The following FBXL5 variants were observed in gnomAD, a reference collection of about 807,000 sequenced individuals.
FBXL5 encodes F-box and leucine rich repeat protein 5, also known as F-box/LRR-repeat protein 5.
A neutral mutation model predicts 78.3 loss-of-function variants in FBXL5; 26 were observed. That is an observed-to-expected ratio of 0.33 (90% CI 0.24 to 0.46). The LOEUF (loss-of-function observed/expected upper bound fraction) is 0.46. Among genes scored for constraint, FBXL5 ranks in the 20% least tolerant of loss-of-function variants. The pLI, the probability that FBXL5 is intolerant of heterozygous loss-of-function variation, is 1.00. For synonymous variants in FBXL5, 295 were observed against 282.5 expected (o/e 1.04, Z -0.45); for missense variants, 710 against 829.2 (o/e 0.86, Z 1.77).
intron 4 of FBXL5, 26 bp from the exon 5 acceptor site, chr4:15,636,702 C>T: frequency 6.6e-7 from 1 of 1,506,056 alleles, no homozygotes; most frequent in Non-Finnish European, 8.9e-7. Context: ...AAAACTTTAC[C>T]AGTAAAGGCT....
chr4:15,612,057 T>C (rs555598884), intron 10 of FBXL5: 1 of 420,414 alleles, frequency 2.4e-6, no homozygotes, highest in East Asian at 4.1e-5. Context: ...AATGGATATT[T>C]AGAATATACA....
upstream of FBXL5, chr4:15,656,424 TC>T (rs1390797630): frequency 2.6e-6 from 1 of 389,476 alleles, no homozygotes; most frequent in Non-Finnish European, 5.1e-6. Context: ...GGCCAGAACC[TC>T]CAGGAGGGCA....
intron 1 of FBXL5, among the ~76,000 whole-genome samples, chr4:15,650,707 G>A (rs1303829754): frequency 8.8e-6 from 1 of 113,100 alleles, no homozygotes; most frequent in African/African-American, 3.5e-5. Flanking sequence ...TCACTCTGTC[G>A]CCCAGGCTGG....
chr4:15,619,429 T>A (rs1447510262), intron 9 of FBXL5, among the ~76,000 whole-genome samples: 2 of 151,906 alleles, frequency 1.3e-5, no homozygotes, highest in South Asian at 2.1e-4. Context: ...AGGAAAAAAA[T>A]GATCATCTCA....
intron 1 of FBXL5, among the ~76,000 whole-genome samples, chr4:15,648,009 T>C (rs1348882222): frequency 6.6e-6 from 1 of 152,118 alleles, no homozygotes; most frequent in Non-Finnish European, 1.5e-5. Context: ...AGGTGTGGTG[T>C]GCACCACACC....
At chr4:15,627,847 T>G (rs765364328) in intron 7 of FBXL5, 38 bp downstream of exon 7, 1 of 1,582,496 alleles carries the variant, frequency 6.3e-7, no homozygotes. Context: ...ATCATGCTGT[T>G]TTTCTTAATA....
At chr4:15,654,600 G>T (rs1259107891) in intron 1 of FBXL5, among the ~76,000 whole-genome samples, 3 of 152,234 alleles carry the variant, frequency 2.0e-5, no homozygotes. Flanking sequence ...AAGAGTGAAG[G>T]TTCTTCAGTT....
At chr4:15,639,165 C>T (rs1714583865) in intron 3 of FBXL5, among the ~76,000 whole-genome samples, 1 of 152,134 alleles carries the variant, frequency 6.6e-6, no homozygotes, top group African/African-American at 2.4e-5. Flanking sequence ...ACTCTGTCTC[C>T]AGAAAAATAA....
At chr4:15,671,268 C>G (rs1560252800) in intron 1 of FBXL5, among the ~76,000 whole-genome samples, 1 of 151,986 alleles carries the variant, frequency 6.6e-6, no homozygotes, top group Non-Finnish European at 1.5e-5. Flanking sequence ...CTGTTTGGTA[C>G]TTGAAATATG....
chr4:15,618,465 T>A lies in FBXL5; in HGVS notation c.1851-6051A>T, dbSNP rs545062437. Among the ~76,000 whole-genome samples, 5 of 152,346 alleles carry A rather than the reference T, an allele frequency of 3.3e-5. No homozygotes were observed. In the East Asian group the frequency reaches 9.6e-4, roughly 29 times the overall value. The stretch of plus-strand genomic sequence containing the variant: ...GAAACAGAAAATCTGAATTGACTTA[T>A]AAGAAGATGAATCAAAACCCTCTCA... On this transcript the variant is annotated intron_variant, in intron 9 of 10. Transcript: ENST00000341285.
intron 2 of FBXL5, among the ~76,000 whole-genome samples, chr4:15,643,208 G>A (rs1358350694): frequency 6.6e-6 from 1 of 152,080 alleles, no homozygotes; most frequent in Non-Finnish European, 1.5e-5. Context: ...TATTCTTCCA[G>A]AAACTATTAG....
At chr4:15,651,735 A>G (rs1356250034) in intron 1 of FBXL5, among the ~76,000 whole-genome samples, 1 of 152,242 alleles carries the variant, frequency 6.6e-6, no homozygotes, top group East Asian at 1.9e-4. Flanking sequence ...AAATTCTTTC[A>G]TAAAAGTAAA....
At chr4:15,644,996 T>C (rs1715220072) in intron 1 of FBXL5, among the ~76,000 whole-genome samples, 2 of 152,140 alleles carry the variant, frequency 1.3e-5, no homozygotes, top group Non-Finnish European at 2.9e-5. Context: ...CCAGGCCCCT[T>C]CTAAACCTAA....
intron 1 of FBXL5, among the ~76,000 whole-genome samples, chr4:15,653,176 T>C (rs1716342659): frequency 6.6e-6 from 1 of 152,170 alleles, no homozygotes; most frequent in Admixed American, 6.5e-5. Context: ...GATAAACGTA[T>C]ACAACAATCT....
chr4:15,630,614 A>G (rs1713526857), intron 6 of FBXL5, 52 bp downstream of exon 6: 2 of 1,448,234 alleles, frequency 1.4e-6, no homozygotes, highest in Non-Finnish European at 9.1e-7. Context: ...TAAGTACTTA[A>G]TTATCAATTA....
At chr4:15,665,688 T>C (rs1274807337) in intron 1 of FBXL5, among the ~76,000 whole-genome samples, 1 of 152,122 alleles carries the variant, frequency 6.6e-6, no homozygotes, top group Non-Finnish European at 1.5e-5. Context: ...AATTCTATGC[T>C]AGTTGAGCAG....
rs568122312 is a variant in FBXL5, at chr4:15,639,847, G to A, written c.396+941C>T. 9.2e-5 allele frequency among the ~76,000 whole-genome samples: 14 copies of A among 152,244 alleles called. No homozygotes were observed. In the South Asian group the frequency reaches 2.5e-3, roughly 27 times the overall value. ...GTTTAAATATCAATTTGATTATAAG[G>A]TGAAGCTATAGTTGAGAATCACTAC... is the stretch of plus-strand genomic sequence containing the variant. On this transcript the variant is annotated intron_variant, in intron 3 of 10. Transcript: ENST00000341285.
chr4:15,613,391 A>C (rs1722400583), intron 9 of FBXL5, among the ~76,000 whole-genome samples: 1 of 152,186 alleles, frequency 6.6e-6, no homozygotes, highest in Non-Finnish European at 1.5e-5. Context: ...CTAATGGCAC[A>C]CCCTAGAAGA....
rs754421523 is a variant in FBXL5, at chr4:15,667,096, CTAT to C, written c.-283-7177_-283-7175del. Reference sequence around the variant, plus strand: ...TATTTGTACCCATTACAAATTGCAGCTATTAAATAATCTTGAAAATCACATCCC... The same window carrying C: ...TATTTGTACCCATTACAAATTGCAGCTAAATAATCTTGAAAATCACATCCC... On this transcript the variant is annotated intron_variant, in intron 1 of 4. Transcript: ENST00000507899. Among the ~76,000 whole-genome samples the C allele has an allele frequency of 1.1e-4, 16 of 152,176 alleles. 1 individual carries two copies. The highest frequency in any genetic ancestry group is 2.2e-4 in the Non-Finnish European group (15 of 68,038).
Sources: allele counts gnomAD v4.1 joint callset (sites outside exome capture counted in the v4.1 genomes callset), GRCh38; gene constraint gnomAD v4.1.1; transcripts MANE v1.5; gene names NCBI Gene and HGNC (gene_info 2026-07-23, HGNC 2026-07-21).